The following CATSPERE variants were observed in gnomAD, a reference collection of about 807,000 sequenced individuals.
The protein encoded by CATSPERE is catsper channel auxiliary subunit epsilon, also known as cation channel sperm-associated auxiliary subunit epsilon.
A neutral mutation model predicts 114.1 loss-of-function variants in CATSPERE; 93 were observed. The ratio of observed to expected loss-of-function variants is 0.81; its 90% confidence interval spans 0.69 to 0.97. The LOEUF (loss-of-function observed/expected upper bound fraction) is 0.97. CATSPERE is among the 50% of genes least tolerant of loss of function. The pLI is 0.00. For missense variants in CATSPERE, 1,058 were observed against 1,131.6 expected (o/e 0.93, Z 0.93); for synonymous variants, 341 against 384.1 (o/e 0.89, Z 1.31).
intron 8 of CATSPERE, among the ~76,000 whole-genome samples, chr1:244,545,463 A>C (rs558931817): frequency 6.6e-6 from 1 of 152,332 alleles, no homozygotes; most frequent in African/African-American, 2.4e-5. Context: ...CTGCTCTGCC[A>C]CTTGGGCCAT....
At chr1:244,629,527 G>A (rs1368356137) in intron 20 of CATSPERE, among the ~76,000 whole-genome samples, 1 of 13,052 alleles carries the variant, frequency 7.7e-5, no homozygotes, top group Non-Finnish European at 1.7e-4. Context: ...TTTTTTTTTT[G>A]GTAGGGACAA....
At chr1:244,602,014 A>T (rs1381328740) in intron 17 of CATSPERE, among the ~76,000 whole-genome samples, 1 of 151,504 alleles carries the variant, frequency 6.6e-6, no homozygotes, top group Non-Finnish European at 1.5e-5. Flanking sequence ...AAGGGGAAGG[A>T]AGGAGGAATT....
intron 8 of CATSPERE, among the ~76,000 whole-genome samples, chr1:244,540,387 G>A: frequency 1.1e-5 from 1 of 91,300 alleles, no homozygotes; most frequent in African/African-American, 3.6e-5. Flanking sequence ...CAAATCATGA[G>A]TGAACTCACA....
intron 20 of CATSPERE, among the ~76,000 whole-genome samples, chr1:244,626,799 T>C (rs1000246055): frequency 2.6e-5 from 4 of 152,240 alleles, no homozygotes; most frequent in Non-Finnish European, 5.9e-5. Context: ...GGCTTTGGTT[T>C]AAGGGATGTT....
chr1:244,625,402 T>A (rs56665586), intron 20 of CATSPERE, among the ~76,000 whole-genome samples: 12 of 45,954 alleles, frequency 2.6e-4, no homozygotes, highest in Non-Finnish European at 3.6e-4. Context: ...ATTATTATTA[T>A]TATTTATATA....
chr1:244,537,326 A>G (rs1176350307), intron 8 of CATSPERE, among the ~76,000 whole-genome samples: 4 of 152,186 alleles, frequency 2.6e-5, no homozygotes, highest in African/African-American at 9.7e-5. Context: ...GATTATATTA[A>G]TTGATTTTTG....
chr1:244,483,260 C>T (rs957309710), intron 5 of CATSPERE, among the ~76,000 whole-genome samples: 1 of 152,102 alleles, frequency 6.6e-6, no homozygotes, highest in Non-Finnish European at 1.5e-5. Flanking sequence ...TAAGAAGATT[C>T]TATAGTAATT....
At chr1:244,469,159 G>A (rs1195744984) in intron 2 of CATSPERE, among the ~76,000 whole-genome samples, 1 of 151,874 alleles carries the variant, frequency 6.6e-6, no homozygotes, top group Non-Finnish European at 1.5e-5. Context: ...ATGTAAGCTT[G>A]GTAATTTCCA....
chr1:244,585,457 C>T (rs1272544765), intron 13 of CATSPERE, among the ~76,000 whole-genome samples: 1 of 152,180 alleles, frequency 6.6e-6, no homozygotes, highest in African/African-American at 2.4e-5. Context: ...ATGCGGTAGC[C>T]CTTTCAGGCA....
intron 12 of CATSPERE, among the ~76,000 whole-genome samples, chr1:244,582,389 T>A (rs890011459): frequency 7.5e-5 from 9 of 120,064 alleles, no homozygotes; most frequent in Admixed American, 2.2e-4. Context: ...GAAAAATCAA[T>A]TTTTCTTTTT....
intron 19 of CATSPERE, among the ~76,000 whole-genome samples, chr1:244,615,938 A>AC (rs1447078209): frequency 1.6e-5 from 2 of 127,832 alleles, no homozygotes; most frequent in East Asian, 2.3e-4. Context: ...ATATAGTGAG[A>AC]CCCCCATCTC....
rs1178394955 is a variant in CATSPERE, at chr1:244,477,919, G to C, written c.202G>C (p.Glu68Gln). The C allele has an allele frequency of 1.2e-6, 2 of 1,607,704 alleles. No individual in the cohort carries two copies. The highest frequency in any genetic ancestry group is 1.7e-4 in the Middle Eastern group (1 of 6,048). ...TTTAAACACTAGCTCACCCACGACAGAATTGCGTTGTTCCTCACCTGGTGT... is the reference window on the plus strand; with the variant it reads ...TTTAAACACTAGCTCACCCACGACACAATTGCGTTGTTCCTCACCTGGTGT... ...FVLNKSSPTT[E>Q]LRCSSPGVHA... Residue 68 changes from glutamate (E) to glutamine (Q), a missense_variant, in exon 4 of 22, where the codon GAA (glutamate) becomes CAA (glutamine). This residue lies in a region of CATSPERE where 271 missense variants were observed against 225.9 expected (regional missense o/e 1.20). Transcript: ENST00000366534.
At chr1:244,530,751 G>A (rs1359449196) in intron 8 of CATSPERE, among the ~76,000 whole-genome samples, 1 of 152,018 alleles carries the variant, frequency 6.6e-6, no homozygotes, top group Non-Finnish European at 1.5e-5. Context: ...TAATTCCTAT[G>A]TATTGAGTTT....
chr1:244,581,776 T>C lies in CATSPERE; in HGVS notation c.1951-20T>C, dbSNP rs564355171. 10 of 1,173,518 alleles carry C rather than the reference T, an allele frequency of 8.5e-6. No homozygotes were observed. In the South Asian group the frequency reaches 1.3e-4, roughly 16 times the overall value. The allele number at this position is 1,173,518 out of a possible 1,614,324, so 72.7% of individuals were successfully genotyped here. On this transcript the variant is annotated intron_variant, in intron 11 of 21. Coordinates refer to ENST00000366534, the MANE Select transcript of CATSPERE (RefSeq NM_001130957.2). ...CCCAATTTCCCTGCTTTACATAAAT[T>C]TTAAATTTTCTTTTTTCAGACACTA...
At chr1:244,621,235 T>TATATATTA (rs1558610771) in intron 20 of CATSPERE, among the ~76,000 whole-genome samples, 2 of 58,814 alleles carry the variant, frequency 3.4e-5, no homozygotes, top group Admixed American at 2.7e-4. Context: ...ATAAATATAT[T>TATATATTA]TATATAGATA....
At position 244,561,116 on chromosome 1, in the gene CATSPERE, A is replaced by T; in HGVS notation, c.1478A>T (p.Asn493Ile). ...AGHGNLSMLS[N>I]DSIIHEVFID... The stretch of plus-strand genomic sequence containing the variant: ...CATGGAAATCTATCAATGCTATCAA[A>T]TGACAGCATTATTCATGAAGTTTTC... The change falls in exon 10 of 22, where the codon AAT becomes ATT. Residue 493 changes from asparagine (N) to isoleucine (I), a missense_variant. Transcript: ENST00000366534. The T allele has an allele frequency of 6.2e-7, 1 of 1,601,420 alleles. No homozygotes were observed. Among genetic ancestry groups the T allele is most frequent in the Non-Finnish European group, 8.5e-7 (1 of 1,169,610 alleles).
intron 8 of CATSPERE, among the ~76,000 whole-genome samples, chr1:244,521,221 G>T (rs181237798): frequency 1.3e-5 from 2 of 152,172 alleles, no homozygotes; most frequent in Admixed American, 6.5e-5. Flanking sequence ...AAGTGTAGTG[G>T]CATGCACCTG....
At chr1:244,488,790 G>A (rs537470091) in intron 5 of CATSPERE, among the ~76,000 whole-genome samples, 1 of 152,096 alleles carries the variant, frequency 6.6e-6, no homozygotes, top group African/African-American at 2.4e-5. Context: ...ATCAACCTTG[G>A]ACTGTGTTGA....
intron 7 of CATSPERE, among the ~76,000 whole-genome samples, chr1:244,517,773 CA>C (rs113797840): frequency 2.3e-3 from 327 of 140,548 alleles, no homozygotes; most frequent in Admixed American, 3.0e-3. Context: ...ACTCTTGTCT[CA>C]AAAAAAAAAA....
Sources: allele counts gnomAD v4.1 joint callset (sites outside exome capture counted in the v4.1 genomes callset), GRCh38; gene constraint gnomAD v4.1.1; regional missense constraint gnomAD v4.1.1; transcripts MANE v1.5; gene names NCBI Gene and HGNC (gene_info 2026-07-23, HGNC 2026-07-21).